The following CDH18 variants were observed in gnomAD, a reference collection of about 807,000 sequenced individuals.
CDH18 encodes cadherin-18.
A neutral mutation model predicts 67.9 loss-of-function variants in CDH18; 31 were observed. That is an observed-to-expected ratio of 0.46 (90% CI 0.34 to 0.62). The LOEUF (loss-of-function observed/expected upper bound fraction) is 0.62. CDH18 is among the 20% of genes least tolerant of loss of function. CDH18 has a pLI of 0.01. For missense variants in CDH18, 890 were observed against 975.5 expected (o/e 0.91, Z 1.17); for synonymous variants, 362 against 347.2 (o/e 1.04, Z -0.48).
chr5:19,537,830 C>G (rs1050523328), intron 9 of CDH18, among the ~76,000 whole-genome samples: 1 of 152,088 alleles, frequency 6.6e-6, no homozygotes, highest in Non-Finnish European at 1.5e-5. Flanking sequence ...CACTGACTAG[C>G]AAGTATCATT....
intron 2 of CDH18, among the ~76,000 whole-genome samples, chr5:20,150,452 G>A (rs754272183): frequency 7.2e-5 from 11 of 151,878 alleles, no homozygotes; most frequent in Non-Finnish European, 1.2e-4. Context: ...AGTTCAGATA[G>A]ACATAAAGAA....
intron 2 of CDH18, among the ~76,000 whole-genome samples, chr5:19,885,728 A>C (rs763011534): frequency 1.1e-4 from 16 of 152,176 alleles, no homozygotes; most frequent in Non-Finnish European, 2.1e-4. Context: ...CACTCAGCTA[A>C]TCTTTATTTG....
At chr5:20,371,268 T>C (rs1742978401) in intron 1 of CDH18, among the ~76,000 whole-genome samples, 1 of 152,168 alleles carries the variant, frequency 6.6e-6, no homozygotes, top group Non-Finnish European at 1.5e-5. Flanking sequence ...GAAGAATTTA[T>C]AGTCTGAAGA....
chr5:20,230,809 C>G (rs886237271), intron 2 of CDH18, among the ~76,000 whole-genome samples: 3 of 152,132 alleles, frequency 2.0e-5, no homozygotes, highest in Admixed American at 1.3e-4. Flanking sequence ...TTGAATATAG[C>G]AAAGGCTCCA....
At chr5:19,858,702 C>T in intron 2 of CDH18, among the ~76,000 whole-genome samples, 1 of 152,096 alleles carries the variant, frequency 6.6e-6, no homozygotes, top group East Asian at 1.9e-4. Flanking sequence ...TCTTACCAAA[C>T]TGGAAAATGT....
intron 2 of CDH18, among the ~76,000 whole-genome samples, chr5:20,010,112 A>T (rs62354675): frequency 0.35 from 53,262 of 150,994 alleles, 11,470 homozygotes; most frequent in Middle Eastern, 0.6. Flanking sequence ...TGAATGATGG[A>T]TTAGTCTATA....
At chr5:20,363,813 G>A (rs1457463218) in intron 1 of CDH18, among the ~76,000 whole-genome samples, 1 of 151,584 alleles carries the variant, frequency 6.6e-6, no homozygotes, top group Non-Finnish European at 1.5e-5. Flanking sequence ...TTTTTAACAG[G>A]ATAGCAAAAA....
intron 1 of CDH18, among the ~76,000 whole-genome samples, chr5:20,573,243 G>A (rs1758907940): frequency 6.6e-6 from 1 of 151,860 alleles, no homozygotes; most frequent in Admixed American, 6.6e-5. Flanking sequence ...ATTTTTGAAG[G>A]AAGAGTATGT....
At chr5:19,731,320 G>A (rs1009649898) in intron 4 of CDH18, among the ~76,000 whole-genome samples, 22 of 152,072 alleles carry the variant, frequency 1.4e-4, no homozygotes, top group African/African-American at 4.1e-4. Flanking sequence ...GTGTGGTGGC[G>A]GGCGCCTGTA....
At chr5:19,637,850 G>A (rs1049432205) in intron 5 of CDH18, among the ~76,000 whole-genome samples, 1 of 152,048 alleles carries the variant, frequency 6.6e-6, no homozygotes, top group African/African-American at 2.4e-5. Context: ...TCACTCCTAA[G>A]CTGCACCCAA....
At chr5:20,314,351 C>T (rs906163412) in intron 1 of CDH18, among the ~76,000 whole-genome samples, 1 of 151,900 alleles carries the variant, frequency 6.6e-6, no homozygotes, top group Non-Finnish European at 1.5e-5. Context: ...TACAAAGTGC[C>T]CACTATAGTT....
At chr5:20,027,648 G>A (rs1042601078) in intron 2 of CDH18, among the ~76,000 whole-genome samples, 2 of 152,170 alleles carry the variant, frequency 1.3e-5, no homozygotes, top group Non-Finnish European at 2.9e-5. Context: ...TGGTAATGAG[G>A]ATGTTAAACT....
At chr5:19,614,092 C>A (rs1749441194) in intron 5 of CDH18, among the ~76,000 whole-genome samples, 1 of 151,888 alleles carries the variant, frequency 6.6e-6, no homozygotes, top group Non-Finnish European at 1.5e-5. Context: ...CAGACAATAT[C>A]TTAATTTATG....
At chr5:20,500,855 G>A (rs1305796612) in intron 1 of CDH18, among the ~76,000 whole-genome samples, 1 of 152,142 alleles carries the variant, frequency 6.6e-6, no homozygotes, top group Non-Finnish European at 1.5e-5. Flanking sequence ...GTGTTTGATT[G>A]TATAACATTG....
At chr5:20,512,270 T>C (rs1755084522) in intron 1 of CDH18, among the ~76,000 whole-genome samples, 2 of 152,128 alleles carry the variant, frequency 1.3e-5, no homozygotes, top group African/African-American at 2.4e-5. Context: ...TCTATTTTTC[T>C]GAAATTTCTT....
chr5:19,973,860 C>T (rs56837877), intron 2 of CDH18, among the ~76,000 whole-genome samples: 6,643 of 151,782 alleles, frequency 0.044, 353 homozygotes, highest in African/African-American at 0.12. Context: ...AGAATTTAGC[C>T]CCCTGTTTTT....
chr5:20,467,424 C>G (rs1351233314), intron 1 of CDH18, among the ~76,000 whole-genome samples: 3 of 151,964 alleles, frequency 2.0e-5, no homozygotes, highest in African/African-American at 7.3e-5. Context: ...AAGATTTAGC[C>G]TTTGGGGTAT....
At chr5:20,056,982 G>C (rs553236385) in intron 2 of CDH18, among the ~76,000 whole-genome samples, 1 of 152,050 alleles carries the variant, frequency 6.6e-6, no homozygotes, top group Non-Finnish European at 1.5e-5. Flanking sequence ...ACCACGCCCG[G>C]CCGAGTTCTA....
At chr5:20,185,308 C>T (rs1257290777) in intron 2 of CDH18, among the ~76,000 whole-genome samples, 1 of 152,018 alleles carries the variant, frequency 6.6e-6, no homozygotes, top group African/African-American at 2.4e-5. Flanking sequence ...TAGCATCCTA[C>T]GTGATCAATC....
Sources: gnomAD v4.1 joint callset for allele counts (sites outside exome capture counted in the v4.1 genomes callset) on GRCh38, gnomAD v4.1.1 for gene constraint, MANE v1.5 for transcripts, NCBI Gene and HGNC (gene_info 2026-07-23, HGNC 2026-07-21) for gene names.